MTUS2: variants seen among roughly 807,000 people sequenced by gnomAD.
MTUS2 encodes the protein microtubule-associated tumor suppressor candidate 2.
MTUS2 carries 40 observed loss-of-function variants against 114.1 expected under a neutral mutation model. The observed-to-expected ratio is 0.35, with a 90% confidence interval of 0.27 to 0.46. The LOEUF is 0.46. Ranked by LOEUF, MTUS2 falls within the 20% of genes least tolerant of loss-of-function variation. The pLI is 1.00. For synonymous variants in MTUS2, 688 were observed against 672.0 expected (o/e 1.02, Z -0.37); for missense variants, 1,679 against 1,705.4 (o/e 0.98, Z 0.27).
At chr13:29,349,537 C>T (rs544174850) in intron 7 of MTUS2, among the ~76,000 whole-genome samples, 19 of 150,626 alleles carry the variant, frequency 1.3e-4, no homozygotes, top group Non-Finnish European at 2.7e-4. Context: ...TTTCTTCTGC[C>T]TGAAGGACTT....
chr13:29,157,542 A>G (rs1892912863), intron 5 of MTUS2, among the ~76,000 whole-genome samples: 1 of 152,142 alleles, frequency 6.6e-6, no homozygotes, highest in Non-Finnish European at 1.5e-5. Context: ...AAGAAATGGA[A>G]AGTACCCAGG....
At position 29,092,715 on chromosome 13, in the gene MTUS2, A is replaced by T. The variant is rs1464688561; in HGVS notation, c.2447-8058A>T. The stretch of plus-strand genomic sequence containing the variant: ...TCTGCAACAGGCCCAGGGCCAAGTG[A>T]GGCCCTGGGCAGAGACGTCATTGGC... On this transcript the variant is annotated intron_variant, in intron 4 of 15. Transcript: ENST00000612955. Among the ~76,000 whole-genome samples the T allele has an allele frequency of 4.6e-5, 7 of 151,660 alleles. 1 individual carries two copies. The highest frequency in any genetic ancestry group is 4.6e-4 in the Admixed American group (7 of 15,238).
chr13:29,046,912 A>T (rs530036765), intron 4 of MTUS2, among the ~76,000 whole-genome samples: 1 of 152,246 alleles, frequency 6.6e-6, no homozygotes, highest in East Asian at 1.9e-4. Context: ...AAAAAATCAA[A>T]TGTTTAGCCA....
At position 29,355,058 on chromosome 13, in the gene MTUS2, A is replaced by T. The variant is rs192586602; in HGVS notation, c.2906-4204A>T. ...ATAAATATTGAGGTTCCCGTGCTGCACTATTTGTTATTGTGTCAGTTAAGC... is the reference window on the plus strand; with the variant it reads ...ATAAATATTGAGGTTCCCGTGCTGCTCTATTTGTTATTGTGTCAGTTAAGC... On this transcript the variant is annotated intron_variant, in intron 7 of 15. Coordinates refer to ENST00000612955, the MANE Select transcript of MTUS2 (RefSeq NM_001033602.4). Among the ~76,000 whole-genome samples, 20 of 152,292 alleles carry T rather than the reference A, an allele frequency of 1.3e-4. No individual in the cohort carries two copies. In the East Asian group the frequency reaches 3.9e-3, roughly 29 times the overall value.
intron 5 of MTUS2, 123 bp downstream of exon 5, chr13:29,101,093 T>A: frequency 9.2e-7 from 1 of 1,087,898 alleles, no homozygotes; most frequent in Non-Finnish European, 1.3e-6. Flanking sequence ...TAGCTTCCCA[T>A]TGTTGTGTTA....
chr13:28,969,726 A>G (rs1026469320), intron 2 of MTUS2, among the ~76,000 whole-genome samples: 1 of 151,242 alleles, frequency 6.6e-6, no homozygotes, highest in African/African-American at 2.4e-5. Flanking sequence ...GATGGTCTTG[A>G]TCTCTTGACC....
chr13:28,896,026 G>T (rs2137935259), intron 2 of MTUS2, among the ~76,000 whole-genome samples: 1 of 152,262 alleles, frequency 6.6e-6, no homozygotes, highest in East Asian at 1.9e-4. Context: ...GAGGATAAAA[G>T]AAAACATAAT....
intron 2 of MTUS2, among the ~76,000 whole-genome samples, chr13:28,992,991 A>G (rs897690506): frequency 3.3e-5 from 5 of 152,202 alleles, no homozygotes; most frequent in Non-Finnish European, 5.9e-5. Context: ...TGTCACCACC[A>G]GTATGTGTTT....
chr13:29,317,971 G>A (rs983661074), intron 6 of MTUS2, among the ~76,000 whole-genome samples: 3 of 152,060 alleles, frequency 2.0e-5, no homozygotes, highest in East Asian at 1.9e-4. Flanking sequence ...TTGCGTTGTG[G>A]CCACCTTTGC....
At chr13:29,074,381 A>G (rs1889087157) in intron 4 of MTUS2, among the ~76,000 whole-genome samples, 1 of 152,158 alleles carries the variant, frequency 6.6e-6, no homozygotes, top group African/African-American at 2.4e-5. Context: ...CTCTGGGTCC[A>G]TGCCTCCGTC....
intron 2 of MTUS2, among the ~76,000 whole-genome samples, chr13:28,907,531 A>G (rs1179359172): frequency 6.6e-6 from 1 of 151,494 alleles, no homozygotes; most frequent in Non-Finnish European, 1.5e-5. Context: ...AGACACACAT[A>G]GGCTCAAAAT....
chr13:28,863,554 C>T (rs1371845987), intron 2 of MTUS2, among the ~76,000 whole-genome samples: 2 of 152,076 alleles, frequency 1.3e-5, no homozygotes, highest in African/African-American at 4.8e-5. Flanking sequence ...GCCTGTCTTC[C>T]TAGGTTTGCC....
intron 8 of MTUS2, among the ~76,000 whole-genome samples, chr13:29,414,318 G>C (rs9506178): frequency 1.0e-5 from 1 of 98,462 alleles, no homozygotes; most frequent in African/African-American, 4.1e-5. Context: ...GGTCGGGGGA[G>C]GGGGGAGGGA....
intron 4 of MTUS2, among the ~76,000 whole-genome samples, chr13:29,038,398 C>T (rs1172872149): frequency 3.3e-5 from 5 of 152,244 alleles, no homozygotes; most frequent in Non-Finnish European, 7.3e-5. Context: ...TTGCTGCCTG[C>T]TCCTTCCTCT....
intron 1 of MTUS2, among the ~76,000 whole-genome samples, chr13:28,823,826 G>A (rs1037604578): frequency 3.3e-5 from 5 of 152,150 alleles, no homozygotes; most frequent in African/African-American, 4.8e-5. Flanking sequence ...AGGAAACATA[G>A]AATCACGGTG....
chr13:29,036,268 G>A (rs6490341), intron 4 of MTUS2, among the ~76,000 whole-genome samples: 5,700 of 152,162 alleles, frequency 0.037, 337 homozygotes, highest in African/African-American at 0.13. Context: ...GTCCTCTGAC[G>A]GAAGGGAGTG....
chr13:29,377,158 T>C (rs1325376054), intron 8 of MTUS2, among the ~76,000 whole-genome samples: 1 of 152,136 alleles, frequency 6.6e-6, no homozygotes, highest in Non-Finnish European at 1.5e-5. Context: ...AAATTCTGCT[T>C]TGAGATTTCA....
chr13:29,324,581 T>A, intron 6 of MTUS2, 32 bp from the exon 7 acceptor site: 4 of 1,496,914 alleles, frequency 2.7e-6, no homozygotes, highest in Non-Finnish European at 3.6e-6. Context: ...TAGCTTACTT[T>A]CTACCTATTT....
chr13:28,916,523 A>G (rs1880755393), intron 2 of MTUS2, among the ~76,000 whole-genome samples: 1 of 151,514 alleles, frequency 6.6e-6, no homozygotes, highest in African/African-American at 2.4e-5. Context: ...TCTTTGGATA[A>G]TTTTTAGATG....
Sources: gnomAD v4.1 joint callset for allele counts (sites outside exome capture counted in the v4.1 genomes callset) on GRCh38, gnomAD v4.1.1 for gene constraint, MANE v1.5 for transcripts, NCBI Gene and HGNC (gene_info 2026-07-23, HGNC 2026-07-21) for gene names.